The following POLR1C variants were observed in gnomAD, a reference collection of about 807,000 sequenced individuals.
The protein encoded by POLR1C is RNA polymerase I and III subunit C.
Under a neutral mutation model 38.3 loss-of-function variants are expected in POLR1C, and 42 were observed. That is an observed-to-expected ratio of 1.10 (90% CI 0.86 to 1.42). The LOEUF is 1.42. POLR1C is among the 40% of genes most tolerant of loss of function. The pLI, the probability that POLR1C is intolerant of heterozygous loss-of-function variation, is 0.00. For missense variants in POLR1C, 507 were observed against 450.5 expected (o/e 1.13, Z -1.14); for synonymous variants, 163 against 163.9 (o/e 0.99, Z 0.04).
chr6:43,529,193 G>C, intron 8 of POLR1C: 1 of 1,449,524 alleles, frequency 6.9e-7, no homozygotes, highest in Non-Finnish European at 9.3e-7. Context: ...TAAAAAAATA[G>C]GAAGGAGGAC....
downstream of POLR1C, chr6:43,533,738 G>A: frequency 2.5e-6 from 1 of 397,086 alleles, no homozygotes. Flanking sequence ...GGGAGGCTGA[G>A]GCAGGAAGAC....
intron 9 of POLR1C, chr6:43,549,423 T>C: frequency 2.7e-6 from 4 of 1,485,658 alleles, no homozygotes; most frequent in Non-Finnish European, 3.6e-6. Context: ...TGAGGTACAC[T>C]GAAAGCTGGA....
chr6:43,551,187 T>C, intron 10 of POLR1C: 1 of 1,189,578 alleles, frequency 8.4e-7, no homozygotes, highest in Non-Finnish European at 1.1e-6. Flanking sequence ...GACTAGTAAT[T>C]TGAGTCCAGC....
chr6:43,536,540 C>T (rs1347901190), intron 9 of POLR1C, among the ~76,000 whole-genome samples: 3 of 151,456 alleles, frequency 2.0e-5, no homozygotes, highest in South Asian at 2.1e-4. Flanking sequence ...GGGTGGATCA[C>T]GAGGTCAGGA....
At chr6:43,525,374 G>C (rs1375499087), downstream of POLR1C, 1 of 668,234 alleles carries the variant, frequency 1.5e-6, no homozygotes, top group Admixed American at 2.8e-5. Context: ...CTGGGCTCAA[G>C]CTATTCTCCC....
At chr6:43,536,521 A>C (rs990497962) in intron 9 of POLR1C, among the ~76,000 whole-genome samples, 2 of 151,438 alleles carry the variant, frequency 1.3e-5, no homozygotes, top group Admixed American at 6.6e-5. Context: ...CACTTTAGGA[A>C]GCCGAGGTGG....
intron 8 of POLR1C, chr6:43,528,981 G>C (rs1480496107): frequency 2.0e-6 from 3 of 1,527,422 alleles, no homozygotes; most frequent in African/African-American, 2.8e-5. Context: ...TCACCTGCCA[G>C]GTGGTGGGTT....
rs1303874232 is a variant in POLR1C at position 43,558,716 on chromosome 6, G to C, written c.*49-2684G>C. On this transcript the variant is annotated intron_variant, in intron 10 of 10. Transcript: ENST00000607635. ...TAAGCGTTTGCATGAGATATTGTAT[G>C]GTAAATATCCACTTCAGTTCTATCA... The C allele has an allele frequency of 1.2e-5, 8 of 673,444 alleles. No homozygotes were observed. In the East Asian group the frequency reaches 1.7e-4, roughly 15 times the overall value. The allele number at this position is 673,444 out of a possible 1,614,324, so 41.7% of individuals were successfully genotyped here. A position where few individuals can be genotyped will look rare whatever the true frequency, so the allele number is the denominator to read the frequency against.
downstream of POLR1C, chr6:43,534,087 A>G (rs368768294): frequency 2.7e-6 from 3 of 1,114,632 alleles, no homozygotes; most frequent in Admixed American, 3.7e-5. Context: ...ATCCAGTGAT[A>G]CTACAGTTTC....
Position 43,538,774 on chromosome 6 carries a change from T to A in POLR1C, c.*4+9415T>A. The A allele has an allele frequency of 4.4e-6, 3 of 679,904 alleles. No individual in the cohort carries two copies. The South Asian group carries it at 7.4e-5, about 17-fold the overall frequency. The allele number at this position is 679,904 out of a possible 1,614,324, so 42.1% of individuals were successfully genotyped here. A position where few individuals can be genotyped will look rare whatever the true frequency, so the allele number is the denominator to read the frequency against. On this transcript the variant is annotated intron_variant, in intron 9 of 10. Coordinates refer to the POLR1C transcript ENST00000607635. The stretch of plus-strand genomic sequence containing the variant: ...AGTTATGGAGCACTACATTTTTCTT[T>A]TTTTTTTTCCCACGCTTAATTCACT...
intron 9 of POLR1C, chr6:43,549,375 T>C: frequency 2.8e-6 from 3 of 1,059,516 alleles, no homozygotes; most frequent in Non-Finnish European, 2.7e-6. Context: ...AGGATGCTTA[T>C]ATGATGCAAA....
intron 9 of POLR1C, chr6:43,549,679 G>C: frequency 7.3e-7 from 1 of 1,377,820 alleles, no homozygotes; most frequent in Non-Finnish European, 1.0e-6. Flanking sequence ...AATTCACAAT[G>C]ATTTTTCACA....
exon 9 of POLR1C, chr6:43,529,339 G>A (rs968653428): frequency 1.1e-5 from 6 of 529,378 alleles, no homozygotes; most frequent in African/African-American, 6.7e-5. Flanking sequence ...TCAAGAGAGC[G>A]AGACCATCCT....
downstream of POLR1C, chr6:43,522,816 T>TA: frequency 2.8e-6 from 1 of 362,958 alleles, no homozygotes; most frequent in Non-Finnish European, 6.2e-6. Context: ...AGTAATAACC[T>TA]CAGGGCCAGG....
chr6:43,556,161 G>T (rs2127739132), intron 10 of POLR1C: 2 of 624,042 alleles, frequency 3.2e-6, no homozygotes, highest in Non-Finnish European at 5.1e-6. Context: ...ATGATCTCTG[G>T]AAACTGTATT....
At chr6:43,517,531 G>C (rs561272282) in intron 2 of POLR1C, among the ~76,000 whole-genome samples, 154 bp downstream of exon 2, 76 of 152,088 alleles carry the variant, frequency 5.0e-4, no homozygotes, top group Non-Finnish European at 8.7e-4. Context: ...GGCCAAATTA[G>C]ACACGGTTTC....
chr6:43,520,753 A>G lies in POLR1C; in HGVS notation c.784A>G (p.Ile262Val), dbSNP rs1793122052. The change falls in exon 7 of 9, where the codon ATT (isoleucine) becomes GTT (valine). Residue 262 changes from isoleucine (I) to valine (V), a missense_variant. Transcript: ENST00000642195. ...GAGCAGGTGCTTCTCACCTGGTGTT[A>G]TTGAGGTGCAGGAAGTCCAAGGTAT... ...ELSRCFSPGV[I>V]EVQEVQGKKV... 2 of 1,613,934 alleles carry G rather than the reference A, an allele frequency of 1.2e-6. No individual in the cohort carries two copies. Among genetic ancestry groups the G allele is most frequent in the Admixed American group, 1.7e-5 (1 of 59,992 alleles).
chr6:43,525,529 A>C, downstream of POLR1C: 1 of 505,632 alleles, frequency 2.0e-6, no homozygotes, highest in Non-Finnish European at 3.5e-6. Flanking sequence ...AGAAAAAATC[A>C]AAATGTGAGA....
At chr6:43,527,788 A>G in intron 8 of POLR1C, 1 of 1,583,432 alleles carries the variant, frequency 6.3e-7, no homozygotes, top group Non-Finnish European at 8.7e-7. Context: ...AGGACAAGGA[A>G]AGCAGCGACC....
Sources: allele counts gnomAD v4.1 joint callset (sites outside exome capture counted in the v4.1 genomes callset), GRCh38; gene constraint gnomAD v4.1.1; transcripts MANE v1.5; gene names NCBI Gene and HGNC (gene_info 2026-07-23, HGNC 2026-07-21).